The following MYLK variants were observed in gnomAD, a reference collection of about 807,000 sequenced individuals.
MYLK encodes myosin light chain kinase, smooth muscle.
A neutral mutation model predicts 203.4 loss-of-function variants in MYLK; 106 were observed. The ratio of observed to expected loss-of-function variants is 0.52; its 90% confidence interval spans 0.45 to 0.61. The LOEUF (loss-of-function observed/expected upper bound fraction) is 0.61. Among genes scored for constraint, MYLK ranks in the 20% least tolerant of loss-of-function variants. The pLI is 0.00. For synonymous variants in MYLK, 867 were observed against 959.5 expected (o/e 0.90, Z 1.78); for missense variants, 2,072 against 2,442.3 (o/e 0.85, Z 3.20).
chr3:123,865,003 C>A (rs2032230629), intron 2 of MYLK, among the ~76,000 whole-genome samples: 1 of 152,136 alleles, frequency 6.6e-6, no homozygotes, highest in South Asian at 2.1e-4. Context: ...GGCTTTCCTG[C>A]AGTTTCTAGC....
chr3:123,722,263 C>T lies in MYLK; in HGVS notation c.1669G>A (p.Ala557Thr), dbSNP rs143403855. Residue 557 changes from alanine (A) to threonine (T), a missense_variant, in exon 13 of 34, where the codon GCT (alanine) becomes ACT (threonine). Ala to Thr is a moderately conservative substitution (Grantham distance 58). This residue lies in a region of MYLK where 865 missense variants were observed against 1,016.0 expected (regional missense o/e 0.85). Transcript: ENST00000360304. ...ACGCCGGCCTCGCAGGTGGAGCGAG[C>T]GTACTGGATGGGCTGCCCTGTGGAG... is the stretch of plus-strand genomic sequence containing the variant. The part of the protein sequence containing the change: ...WLLNGQPIQY[A>T]RSTCEAGVAE... The T allele has an allele frequency of 3.3e-5, 52 of 1,569,852 alleles. No individual in the cohort carries two copies. The highest frequency in any genetic ancestry group is 5.6e-5 in the Admixed American group (3 of 53,996).
chr3:123,642,767 T>G lies in MYLK; in HGVS notation c.4620-2263A>C, dbSNP rs1161528097. 6.6e-6 allele frequency among the ~76,000 whole-genome samples: 1 copy of G among 152,226 alleles called. No individual in the cohort carries two copies. The highest frequency in any genetic ancestry group is 2.4e-5 in the African/African-American group (1 of 41,452). ...TTAAAAACAGCCTCACCTCACAGGG[T>G]GGCTTCAAAGACTAAATGAGTCAAC... On this transcript the variant is annotated intron_variant, in intron 27 of 33. Transcript: ENST00000360304. This position sits in a 1 kb window ranked among gnomAD's most constrained non-coding sequence, Gnocchi z 4.2.
chr3:123,733,038 T>C lies in MYLK; in HGVS notation c.1374A>G (p.Glu458=). 1 of 1,614,142 alleles carries C rather than the reference T, an allele frequency of 6.2e-7. No homozygotes were observed. The highest frequency in any genetic ancestry group is 1.1e-5 in the South Asian group (1 of 91,068). ...CATCTTCATAAACCTCAATGCTGCC[T>C]TCCTGTCTCCTCACGGGGGTGCCTT... The part of the protein sequence containing the change: ...FLEGTPVRRQ[E]GSIEVYEDAG... Residue 458 remains glutamate, a synonymous_variant, in exon 11 of 34, where the codon GAA becomes GAG. Coordinates refer to ENST00000360304, the MANE Select transcript of MYLK (RefSeq NM_053025.4).
In MYLK at chr3:123,657,244, G is replaced by A. The variant is rs545959628; in HGVS notation, c.4170C>T (p.Asn1390=). Residue 1390 remains asparagine, a synonymous_variant, in exon 24 of 34, where the codon AAC becomes AAT. Transcript: ENST00000360304. ...CGTGGTCAGGCAGCAGGTCCTGGAC[G>A]TTGAAAGAGGTGCTGCGGCATGTGG... ...ELATCRSTSF[N]VQDLLPDHEY... is the part of the protein sequence containing the mutation. The A allele has an allele frequency of 6.3e-5, 101 of 1,614,176 alleles. No homozygotes were observed. Among genetic ancestry groups the A allele is most frequent in the South Asian group, 2.6e-4 (24 of 91,072 alleles).
rs77723903 is a variant in MYLK at position 123,862,954 on chromosome 3, C to T, written c.-127+13605G>A. On this transcript the variant is annotated intron_variant, in intron 2 of 33. Transcript: ENST00000360304. Reference sequence around the variant, plus strand: ...AGGGCTTTACACTGAGCTGCCTGCACTCACGTTGAAAACCTGTCATCCACG... The same window carrying T: ...AGGGCTTTACACTGAGCTGCCTGCATTCACGTTGAAAACCTGTCATCCACG... Among the ~76,000 whole-genome samples the T allele has an allele frequency of 3.5e-3, 537 of 152,308 alleles. 3 individuals are homozygous for T. Among genetic ancestry groups the T allele is most frequent in the South Asian group, 0.011 (53 of 4,826 alleles).
At chr3:123,821,977 T>C (rs1041670355) in intron 3 of MYLK, among the ~76,000 whole-genome samples, 4 of 152,188 alleles carry the variant, frequency 2.6e-5, no homozygotes, top group Admixed American at 1.3e-4. Flanking sequence ...TTCTCATTAA[T>C]AGATTCATGT....
chr3:123,685,626 AAAAAAG>A (rs2060425839), intron 19 of MYLK, among the ~76,000 whole-genome samples: 1 of 151,792 alleles, frequency 6.6e-6, no homozygotes, highest in East Asian at 1.9e-4. Flanking sequence ...AAAAAAAAAA[AAAAAAG>A]AAAATGAAAA....
intron 13 of MYLK, among the ~76,000 whole-genome samples, chr3:123,712,936 A>G (rs997964351): frequency 1.3e-5 from 2 of 152,268 alleles, no homozygotes; most frequent in African/African-American, 4.8e-5. Flanking sequence ...ATCAGCAGTC[A>G]AAGAACCAAT....
At chr3:123,816,870 G>C (rs777037653) in intron 3 of MYLK, among the ~76,000 whole-genome samples, 1 of 152,168 alleles carries the variant, frequency 6.6e-6, no homozygotes, top group African/African-American at 2.4e-5. Flanking sequence ...AGAAAGCTTC[G>C]GAATTTAAGA....
At chr3:123,883,504 C>T (rs1205261932) in intron 1 of MYLK, among the ~76,000 whole-genome samples, 1 of 152,212 alleles carries the variant, frequency 6.6e-6, no homozygotes, top group East Asian at 1.9e-4. Flanking sequence ...TCTGCAATGC[C>T]ACTCCTAGAA....
chr3:123,734,020 T>C lies in MYLK; in HGVS notation c.976A>G (p.Lys326Glu), dbSNP rs140876214. The C allele has an allele frequency of 1.2e-5, 20 of 1,614,058 alleles. No homozygotes were observed. The highest frequency in any genetic ancestry group is 1.4e-5 in the Non-Finnish European group (17 of 1,180,046). The part of the protein sequence containing the change: ...PPRESKLESC[K>E]DSPRTAPQTP... ...TGCGGGGCCGTTCTGGGCGAGTCCT[T>C]GCATGACTCCAGCTTGGACTCCCTT... The change falls in exon 10 of 34, where the codon AAG (lysine) becomes GAG (glutamate). Residue 326 changes from lysine to glutamate, a missense_variant. Lys to Glu is a moderately conservative substitution (Grantham distance 56, BLOSUM62 1). Coordinates refer to ENST00000360304, the MANE Select transcript of MYLK (RefSeq NM_053025.4).
chr3:123,682,017 A>G (rs2060283044), intron 20 of MYLK: 1 of 637,826 alleles, frequency 1.6e-6, no homozygotes, highest in Non-Finnish European at 2.9e-6. Context: ...GACAGGCTGG[A>G]GAGAGCACTG....
intron 2 of MYLK, chr3:123,835,848 A>G (rs2066463828): frequency 6.6e-6 from 1 of 152,204 alleles, no homozygotes; most frequent in African/African-American, 2.4e-5. Context: ...AACTGGCCAT[A>G]AAGAAATTAT....
chr3:123,799,295 T>C (rs2065109247), intron 3 of MYLK, among the ~76,000 whole-genome samples: 1 of 152,174 alleles, frequency 6.6e-6, no homozygotes. Context: ...AACTGGACTT[T>C]AATTTGATCA....
intron 23 of MYLK, among the ~76,000 whole-genome samples, chr3:123,660,962 A>G (rs1435422086): frequency 1.3e-5 from 2 of 152,180 alleles, no homozygotes; most frequent in Admixed American, 6.5e-5. Flanking sequence ...GTATCCATCA[A>G]TGTGAGTCCT....
intron 4 of MYLK, among the ~76,000 whole-genome samples, chr3:123,759,601 A>G (rs2063470179): frequency 1.3e-5 from 2 of 152,108 alleles, no homozygotes; most frequent in Admixed American, 1.3e-4. Flanking sequence ...CCCGGTGGGG[A>G]TGCCAATTGG....
At chr3:123,837,947 A>C (rs1346056341) in intron 2 of MYLK, among the ~76,000 whole-genome samples, 3 of 152,228 alleles carry the variant, frequency 2.0e-5, no homozygotes, top group African/African-American at 4.8e-5. Context: ...AAATGGTCTA[A>C]TATGCATATA....
intron 18 of MYLK, among the ~76,000 whole-genome samples, chr3:123,699,148 G>A (rs2108569516): frequency 6.6e-6 from 1 of 152,058 alleles, no homozygotes; most frequent in Middle Eastern, 3.4e-3. Context: ...GCCAGAATGG[G>A]GTGTGGAGGT....
rs1448980194 is a variant in MYLK at position 123,629,188 on chromosome 3, C to A, written c.5114+286G>T. ...GTCATTATTCACACAGAACAGCTGCCCCTTGCTCTGTAACGTGGTCAAGTG... is the reference window on the plus strand; with the variant it reads ...GTCATTATTCACACAGAACAGCTGCACCTTGCTCTGTAACGTGGTCAAGTG... On this transcript the variant is annotated intron_variant, in intron 30 of 33. Coordinates refer to ENST00000360304, the MANE Select transcript of MYLK (RefSeq NM_053025.4). This position sits in a 1 kb window ranked among gnomAD's most constrained non-coding sequence, Gnocchi z 4.4. Among the ~76,000 whole-genome samples the A allele has an allele frequency of 1.3e-5, 2 of 152,172 alleles. No individual in the cohort carries two copies. Among genetic ancestry groups the A allele is most frequent in the African/African-American group, 4.8e-5 (2 of 41,432 alleles).
Sources: gnomAD v4.1 joint callset for allele counts (sites outside exome capture counted in the v4.1 genomes callset) on GRCh38, gnomAD v4.1.1 for gene constraint, gnomAD v4.1.1 regional missense constraint, Gnocchi (gnomAD v3.1) non-coding constraint, MANE v1.5 for transcripts, NCBI Gene and HGNC (gene_info 2026-07-23, HGNC 2026-07-21) for gene names.